SLC29A3: variants seen among roughly 807,000 people sequenced by gnomAD.
SLC29A3 encodes the protein solute carrier family 29 member 3.
SLC29A3 carries 18 observed loss-of-function variants against 25.4 expected under a neutral mutation model. The ratio of observed to expected loss-of-function variants is 0.71; its 90% CI spans 0.49 to 1.05. SLC29A3 has a LOEUF of 1.05. Ranked by LOEUF, SLC29A3 falls within the 50% of genes least tolerant of loss-of-function variation. The probability of loss-of-function intolerance (pLI) is 0.00; values close to 1 mark genes in which losing one functional copy is unlikely to be tolerated. For synonymous variants in SLC29A3, 258 were observed against 267.1 expected, an observed-to-expected ratio of 0.97 and a Z score of 0.33; for missense variants, 586 against 609.0, an observed-to-expected ratio of 0.96 and a Z score of 0.40.
Position 71,322,781 on chromosome 10 carries a change from T to C in SLC29A3, c.27T>C (p.Phe9=). Residue 9 remains phenylalanine (F), a synonymous_variant, in exon 2 of 6, where the codon TTT becomes TTC. Transcript: ENST00000373189. MAVVSEDD[F]QHSSNSTYRT... ...TGGCCGTTGTCTCAGAGGACGACTT[T>C]CAGCACAGTTCAAACTCCACCTACA... is the stretch of plus-strand genomic sequence containing the variant. 5.6e-6 allele frequency: 9 copies of C among 1,614,160 alleles called. No individual in the cohort carries two copies. The highest frequency in any genetic ancestry group is 7.6e-6 in the Non-Finnish European group (9 of 1,180,038).
At chr10:71,332,008 C>G (rs1846128837) in intron 2 of SLC29A3, among the ~76,000 whole-genome samples, 1 of 152,174 alleles carries the variant, frequency 6.6e-6, no homozygotes, top group Non-Finnish European at 1.5e-5. Flanking sequence ...CTAGGAGTCT[C>G]TCCTTTGTGC....
chr10:71,323,095 A>G (rs1355073833), intron 2 of SLC29A3, 41 bp downstream of exon 2: 2 of 1,609,646 alleles, frequency 1.2e-6, no homozygotes, highest in Admixed American at 3.3e-5. Context: ...GGGAGCATAC[A>G]GAGGCCTCAT....
downstream of SLC29A3, among the ~76,000 whole-genome samples, chr10:71,367,404 C>T (rs1267803808): frequency 6.6e-6 from 1 of 152,164 alleles, no homozygotes; most frequent in East Asian, 1.9e-4. Flanking sequence ...CTTCCTGAGT[C>T]TCATTTCCTC....
intron 4 of SLC29A3, among the ~76,000 whole-genome samples, chr10:71,354,303 G>A (rs1255838261): frequency 6.6e-6 from 1 of 152,186 alleles, no homozygotes; most frequent in African/African-American, 2.4e-5. Flanking sequence ...GAGGTTAAGG[G>A]ACTTGCTGAA....
At chr10:71,333,755 G>A (rs899458311) in intron 2 of SLC29A3, among the ~76,000 whole-genome samples, 1 of 152,252 alleles carries the variant, frequency 6.6e-6, no homozygotes, top group Non-Finnish European at 1.5e-5. Context: ...CTGCAGAAGA[G>A]GAAAGACTGG....
chr10:71,344,421 G>A lies in SLC29A3; in HGVS notation c.383+130G>A, dbSNP rs883764. 0.43 allele frequency: 312,361 copies of A among 731,614 alleles called. 68,953 individuals are homozygous for A. The highest frequency in any genetic ancestry group is 0.49 in the African/African-American group (28,243 of 58,206). The allele number at this position is 731,614 out of a possible 1,614,324, so 45.3% of individuals were successfully genotyped here. Reference sequence around the variant, plus strand: ...CACCAAAGTAGGATGCAGCAGCTCAGATTTATGCATGAAGAGTGAGAAGTC... The same window carrying A: ...CACCAAAGTAGGATGCAGCAGCTCAAATTTATGCATGAAGAGTGAGAAGTC... On this transcript the variant is annotated intron_variant, in intron 3 of 5. Coordinates refer to ENST00000373189, the MANE Select transcript of SLC29A3 (RefSeq NM_018344.6).
At chr10:71,356,730 G>T (rs908480743) in intron 5 of SLC29A3, among the ~76,000 whole-genome samples, 6 of 152,204 alleles carry the variant, frequency 3.9e-5, no homozygotes, top group African/African-American at 1.2e-4. Context: ...GGAGGCTGAA[G>T]TGGGAGGATC....
chr10:71,378,878 T>G (rs2894149), intron 4 of SLC29A3, among the ~76,000 whole-genome samples: 126,277 of 152,126 alleles, frequency 0.83, 52,827 homozygotes, highest in Middle Eastern at 0.9. Context: ...GCTTCCTGAA[T>G]TCACTTCTAA....
chr10:71,356,491 C>T (rs572570707), intron 5 of SLC29A3, among the ~76,000 whole-genome samples: 1 of 152,168 alleles, frequency 6.6e-6, no homozygotes, highest in South Asian at 2.1e-4. Context: ...CTTATTCCAG[C>T]GCTGTGTTCC....
chr10:71,358,016 A>G (rs563858367), intron 5 of SLC29A3, among the ~76,000 whole-genome samples: 2 of 152,226 alleles, frequency 1.3e-5, no homozygotes, highest in East Asian at 3.9e-4. Flanking sequence ...TTATGTGTAT[A>G]TTTTTGTTTA....
chr10:71,368,945 G>C (rs1274993327), intron 3 of SLC29A3, among the ~76,000 whole-genome samples: 1 of 152,218 alleles, frequency 6.6e-6, no homozygotes, highest in African/African-American at 2.4e-5. Flanking sequence ...TGCTACAGAT[G>C]AATGTTTGTG....
rs1350444824 is a variant in SLC29A3 at position 71,351,773 on chromosome 10, C to T, written c.595C>T (p.Gln199Ter). Residue 199 changes from glutamine to a stop codon, truncating the protein, a stop_gained, in exon 4 of 6, where the codon CAG becomes TAG. Transcript: ENST00000373189. LOFTEE classifies it high-confidence loss of function. ...MTGSFPMRNS[Q>*]ALISGGAMGG... ...CGGCTCCTTTCCTATGAGGAACTCCCAGGCACTGATATCAGGTGAGAGCCA... is the reference window on the plus strand; with the variant it reads ...CGGCTCCTTTCCTATGAGGAACTCCTAGGCACTGATATCAGGTGAGAGCCA... 1 of 1,612,592 alleles carries T rather than the reference C, an allele frequency of 6.2e-7. No individual in the cohort carries two copies. Among genetic ancestry groups the T allele is most frequent in the African/African-American group, 1.3e-5 (1 of 74,914 alleles).
In SLC29A3 at chr10:71,351,714, C is replaced by G. The variant is rs1178216469; in HGVS notation, c.536C>G (p.Ser179Cys). 1 of 1,614,192 alleles carries G rather than the reference C, an allele frequency of 6.2e-7. No individual in the cohort carries two copies. The highest frequency in any genetic ancestry group is 8.5e-7 in the Non-Finnish European group (1 of 1,180,036). Residue 179 changes from serine (S) to cysteine (C), a missense_variant, in exon 4 of 6, where the codon TCC becomes TGC. Coordinates refer to ENST00000373189, the MANE Select transcript of SLC29A3 (RefSeq NM_018344.6). ...IVCMVILSGA[S>C]TVFSSSIYGM... is the part of the protein sequence containing the mutation. ...TGCATGGTGATCCTCAGCGGTGCCT[C>G]CACTGTCTTCAGCAGCAGCATCTAC...
chr10:71,343,784 CTAAAAACT>C (rs1846480375), intron 2 of SLC29A3, among the ~76,000 whole-genome samples: 1 of 152,150 alleles, frequency 6.6e-6, no homozygotes, highest in Non-Finnish European at 1.5e-5. Flanking sequence ...CTCGTCTCTA[CTAAAAACT>C]TAAAAACAAA....
intron 2 of SLC29A3, among the ~76,000 whole-genome samples, chr10:71,330,959 C>T (rs1846104915): frequency 6.6e-6 from 1 of 151,850 alleles, no homozygotes; most frequent in African/African-American, 2.4e-5. Flanking sequence ...CTCCCAGGTA[C>T]AAAGTAAGTG....
In SLC29A3 at chr10:71,362,437, C is replaced by T; in HGVS notation, c.1257C>T (p.Ser419=). ...CCGATGTGTACCCCGCACTCCTCAGCTCCCTGCTGGGGCTCAGCAACGGCT... is the reference window on the plus strand; with the variant it reads ...CCGATGTGTACCCCGCACTCCTCAGTTCCCTGCTGGGGCTCAGCAACGGCT... ...FQSDVYPALL[S]SLLGLSNGYL... Residue 419 remains serine (S), a synonymous_variant, in exon 6 of 6, where the codon AGC becomes AGT. Coordinates refer to ENST00000373189, the MANE Select transcript of SLC29A3 (RefSeq NM_018344.6). 6.2e-7 allele frequency: 1 copy of T among 1,614,230 alleles called. No homozygotes were observed. Among genetic ancestry groups the T allele is most frequent in the South Asian group, 1.1e-5 (1 of 91,088 alleles).
intron 3 of SLC29A3, among the ~76,000 whole-genome samples, chr10:71,371,725 T>C (rs1249315083): frequency 6.6e-6 from 1 of 152,218 alleles, no homozygotes; most frequent in Non-Finnish European, 1.5e-5. Context: ...TTTCCTTATC[T>C]GTAAAAGGGA....
chr10:71,363,145 C>A lies in SLC29A3; in HGVS notation c.*537C>A. On this transcript the variant is annotated 3_prime_UTR_variant, in exon 6 of 6. Transcript: ENST00000373189. ...CCTGTGTTCTGTGGGTGAACAACTG[C>A]CCACTAACCAGACTGGAAAACCCAG... The A allele has an allele frequency of 4.6e-6, 2 of 438,510 alleles. No individual in the cohort carries two copies. The highest frequency in any genetic ancestry group is 2.4e-5 in the Admixed American group (1 of 40,904). 27.2% of individuals were successfully genotyped at this position (438,510 alleles called of 1,614,324 possible).
chr10:71,362,472 CCCTGGCCCT>C lies in SLC29A3; in HGVS notation c.1296_1304del (p.Ala433_Leu435del). 1 of 1,614,208 alleles carries C rather than the reference CCCTGGCCCT, an allele frequency of 6.2e-7. No individual in the cohort carries two copies. The highest frequency in any genetic ancestry group is 8.5e-7 in the Non-Finnish European group (1 of 1,180,046). ...GGGCTCAGCAACGGCTACCTCAGCA[CCCTGGCCCT>C]CCTCTACGGGCCTAAGATTGTGCCC... On this transcript the variant is annotated inframe_deletion, in exon 6 of 6. Coordinates refer to ENST00000373189, the MANE Select transcript of SLC29A3 (RefSeq NM_018344.6).
Sources: allele counts gnomAD v4.1 joint callset (sites outside exome capture counted in the v4.1 genomes callset), GRCh38; gene constraint gnomAD v4.1.1; transcripts MANE v1.5; gene names NCBI Gene and HGNC (gene_info 2026-07-23, HGNC 2026-07-21).